UBL5: variants seen among roughly 807,000 people sequenced by gnomAD.
UBL5 encodes the protein ubiquitin-like protein 5.
UBL5 carries 13 observed loss-of-function variants against 11.7 expected under a neutral mutation model. The observed-to-expected ratio is 1.11, with a 90% CI of 0.73 to 1.77. UBL5 has a LOEUF of 1.77. Ranked by LOEUF, UBL5 falls within the 40% of genes most tolerant of loss-of-function variation. The pLI is 0.00. For synonymous variants in UBL5, 28 were observed against 34.7 expected, an observed-to-expected ratio of 0.81 and a Z score of 0.68; for missense variants, 58 against 92.3, an observed-to-expected ratio of 0.63 and a Z score of 1.52.
In UBL5 at chr19:9,828,881, T is replaced by C. The variant is rs752334831; in HGVS notation, c.178+7T>C. ...CACGTGTCTCTGGGGGACTGTATCC[T>C]TTGTGTGACTTTTTGAGGAAGCATC... On this transcript the variant is annotated splice_region_variant and intron_variant, in intron 4 of 4. Transcript: ENST00000586895. The C allele has an allele frequency of 1.9e-6, 3 of 1,614,014 alleles. No homozygotes were observed. In the African/African-American group the frequency reaches 4.0e-5, roughly 22 times the overall value.
At position 9,828,923 on chromosome 19, in the gene UBL5, G is replaced by A. The variant is rs748357830; in HGVS notation, c.178+49G>A. The A allele has an allele frequency of 3.1e-6, 5 of 1,591,230 alleles. No individual in the cohort carries two copies. The South Asian group carries it at 5.5e-5, about 18-fold the overall frequency. ...GGAAGCATCTACATACCCAGCCTCG[G>A]TTATCTGTTCAAAACTAAAGTCTGC... is the stretch of plus-strand genomic sequence containing the variant. On this transcript the variant is annotated intron_variant, in intron 4 of 4. Transcript: ENST00000586895.
intron 4 of UBL5, 45 bp downstream of exon 4, chr19:9,828,919 C>T (rs1265006526): frequency 2.5e-6 from 4 of 1,594,074 alleles, no homozygotes; most frequent in Non-Finnish European, 3.4e-6. Context: ...CATACCCAGC[C>T]TCGGTTATCT....
At chr19:9,828,799 C>T (rs368198403) in intron 3 of UBL5, 38 bp from the exon 4 acceptor site, 1 of 1,613,388 alleles carries the variant, frequency 6.2e-7, no homozygotes, top group Non-Finnish European at 8.5e-7. Flanking sequence ...ACTGAAGAGC[C>T]TCCTTAGCCT....
In UBL5 at chr19:9,827,945, T is replaced by G; in HGVS notation, c.-51T>G. The G allele has an allele frequency of 3.3e-6, 1 of 302,284 alleles. No individual in the cohort carries two copies. The highest frequency in any genetic ancestry group is 6.3e-6 in the Non-Finnish European group (1 of 157,518). The allele number at this position is 302,284 out of a possible 1,614,324, so 18.7% of individuals were successfully genotyped here. A position where few individuals can be genotyped will look rare whatever the true frequency, so the allele number is the denominator to read the frequency against. On this transcript the variant is annotated 5_prime_UTR_variant, in exon 1 of 5. Coordinates refer to ENST00000586895, the MANE Select transcript of UBL5 (RefSeq NM_001048241.3). ...CTGCGACCGGGGTTCAGCGCTCGGG[T>G]GAGGAGCTGGTGGCGTCGGCAGGTT...
At chr19:9,828,732 G>C in intron 3 of UBL5, 57 bp downstream of exon 3, 1 of 1,612,462 alleles carries the variant, frequency 6.2e-7, no homozygotes, top group Admixed American at 1.7e-5. Flanking sequence ...GGTTTTGGTT[G>C]GGGGAGCGCT....
chr19:9,828,441 C>T (rs367575657), intron 2 of UBL5, 48 bp downstream of exon 2: 9 of 1,611,914 alleles, frequency 5.6e-6, no homozygotes, highest in Middle Eastern at 3.3e-4. Context: ...GGGTGCTTGG[C>T]GTGAGGCAGG....
intron 1 of UBL5, 152 bp downstream of exon 1, chr19:9,828,136 C>G: frequency 1.6e-6 from 1 of 610,838 alleles, no homozygotes; most frequent in Non-Finnish European, 2.9e-6. Context: ...CCCCGGGGTT[C>G]GCGGCCCTGG....
chr19:9,828,224 T>C, intron 1 of UBL5, 103 bp from the exon 2 acceptor site: 1 of 1,139,366 alleles, frequency 8.8e-7, no homozygotes, highest in South Asian at 1.3e-5. Context: ...ACCTGGAATT[T>C]TAGGGCCTGG....
Position 9,827,951 on chromosome 19 carries a change from G to C in UBL5, c.-45G>C. The C allele has an allele frequency of 3.1e-6, 1 of 322,872 alleles. No individual in the cohort carries two copies. The highest frequency in any genetic ancestry group is 3.5e-5 in the South Asian group (1 of 28,890). The allele number at this position is 322,872 out of a possible 1,614,324, so 20.0% of individuals were successfully genotyped here. A position where few individuals can be genotyped will look rare whatever the true frequency, so the allele number is the denominator to read the frequency against. ...CCGGGGTTCAGCGCTCGGGTGAGGA[G>C]CTGGTGGCGTCGGCAGGTTCGAGGC... On this transcript the variant is annotated 5_prime_UTR_variant, in exon 1 of 5. Transcript: ENST00000586895.
At position 9,828,691 on chromosome 19, in the gene UBL5, G is replaced by A. The variant is rs2046039252; in HGVS notation, c.140+16G>A. On this transcript the variant is annotated intron_variant, in intron 3 of 4. Coordinates refer to ENST00000586895, the MANE Select transcript of UBL5 (RefSeq NM_001048241.3). Reference sequence around the variant, plus strand: ...TGAAGAAGTGGTGAGTGCAGCGGTAGAGCCACTGGGTGGACTGGACTAGGC... The same window carrying A: ...TGAAGAAGTGGTGAGTGCAGCGGTAAAGCCACTGGGTGGACTGGACTAGGC... The A allele has an allele frequency of 6.2e-7, 1 of 1,614,074 alleles. No homozygotes were observed. Among genetic ancestry groups the A allele is most frequent in the African/African-American group, 1.3e-5 (1 of 74,948 alleles).
chr19:9,828,773 C>T, intron 3 of UBL5, 64 bp from the exon 4 acceptor site: 3 of 1,610,512 alleles, frequency 1.9e-6, no homozygotes, highest in South Asian at 1.1e-5. Context: ...GCTTGGCTAC[C>T]TCATTTGGCC....
chr19:9,828,783 C>G, intron 3 of UBL5, 54 bp from the exon 4 acceptor site: 1 of 1,612,096 alleles, frequency 6.2e-7, no homozygotes, highest in African/African-American at 1.3e-5. Flanking sequence ...CTCATTTGGC[C>G]TACAGACTGA....
chr19:9,828,051 G>A (rs1474478784), intron 1 of UBL5, 67 bp downstream of exon 1: 1 of 547,310 alleles, frequency 1.8e-6, no homozygotes, highest in Non-Finnish European at 3.3e-6. Flanking sequence ...CCCAGGGTCT[G>A]GGGTCGGTGG....
intron 1 of UBL5, 127 bp from the exon 2 acceptor site, chr19:9,828,200 C>T (rs2046035130): frequency 1.1e-6 from 1 of 893,038 alleles, no homozygotes; most frequent in South Asian, 1.5e-5. Flanking sequence ...GGGGGCAGAA[C>T]GGAAGGCTCA....
chr19:9,829,642 C>G (rs971888569), intron 4 of UBL5: 1 of 261,970 alleles, frequency 3.8e-6, no homozygotes, highest in South Asian at 5.3e-5. Context: ...ATTACAGGTG[C>G]CCACCACCAC....
intron 1 of UBL5, 58 bp downstream of exon 1, chr19:9,828,042 C>T: frequency 1.9e-6 from 1 of 517,778 alleles, no homozygotes; most frequent in South Asian, 2.3e-5. Flanking sequence ...ACCCAGCCAC[C>T]CAGGGTCTGG....
At position 9,828,654 on chromosome 19, in the gene UBL5, A is replaced by C; in HGVS notation, c.119A>C (p.Asn40Thr). Residue 40 changes from asparagine to threonine, a missense_variant, in exon 3 of 5, where the codon AAC (asparagine) becomes ACC (threonine). By Grantham distance (65) the Asn-to-Thr change is moderately conservative (BLOSUM62 0). Transcript: ENST00000586895. Reference protein sequence around the residue: ...LIAAQTGTRWNKIVLKKWYTI... With the variant: ...LIAAQTGTRWTKIVLKKWYTI... ...GCAGCCCAAACTGGTACCCGTTGGA[A>C]CAAGATTGTCCTGAAGAAGTGGTGA... The C allele has an allele frequency of 1.9e-6, 3 of 1,614,212 alleles. No individual in the cohort carries two copies. Among genetic ancestry groups the C allele is most frequent in the Non-Finnish European group, 2.5e-6 (3 of 1,180,034 alleles).
At chr19:9,829,069 A>C (rs955794551) in intron 4 of UBL5, 195 bp downstream of exon 4, 18 of 621,460 alleles carry the variant, frequency 2.9e-5, no homozygotes, top group Admixed American at 2.5e-4. Context: ...GTTTGACTTC[A>C]AGTTCAAAAT....
At chr19:9,828,503 G>A in intron 2 of UBL5, 89 bp from the exon 3 acceptor site, 2 of 1,605,470 alleles carry the variant, frequency 1.2e-6, no homozygotes, top group Non-Finnish European at 1.7e-6. Flanking sequence ...GAGAGGGGGC[G>A]GATGGGGTCC....
Sources: allele counts gnomAD v4.1 joint callset, GRCh38; gene constraint gnomAD v4.1.1; transcripts MANE v1.5; gene names NCBI Gene and HGNC (gene_info 2026-07-23, HGNC 2026-07-21).